Variants in SLC1A1 observed in about 807,000 individuals in gnomAD.
SLC1A1 encodes excitatory amino acid transporter 3.
Under a neutral mutation model 53.3 loss-of-function variants are expected in SLC1A1, and 43 were observed. That is an observed-to-expected ratio of 0.81 (90% confidence interval 0.63 to 1.04). SLC1A1 has a LOEUF of 1.04. Ranked by LOEUF, SLC1A1 falls within the 50% of genes least tolerant of loss-of-function variation. The pLI, the probability that SLC1A1 is intolerant of heterozygous loss-of-function variation, is 0.00. For missense variants in SLC1A1, 748 were observed against 664.9 expected (o/e 1.12, Z -1.37); for synonymous variants, 307 against 243.2 (o/e 1.26, Z -2.44).
chr9:4,580,604 T>TGG (rs1820983912), intron 10 of SLC1A1, among the ~76,000 whole-genome samples: 1 of 70,422 alleles, frequency 1.4e-5, no homozygotes, highest in South Asian at 4.6e-4. Context: ...AATATATATG[T>TGG]GTGTGTGTGT....
At chr9:4,513,746 TGTGA>T (rs1181828681) in intron 1 of SLC1A1, among the ~76,000 whole-genome samples, 3 of 152,228 alleles carry the variant, frequency 2.0e-5, no homozygotes, top group African/African-American at 7.2e-5. Context: ...AAAATCTGTA[TGTGA>T]GTGTTTATAG....
In SLC1A1 at chr9:4,531,945, G is replaced by C. The variant is rs146919274; in HGVS notation, c.92-12622G>C. On this transcript the variant is annotated intron_variant, in intron 1 of 11. Coordinates refer to ENST00000262352, the MANE Select transcript of SLC1A1 (RefSeq NM_004170.6). ...TCCGCTGCTGATACACAGGCAAAGA[G>C]GGTCTGGAGTGGACCTCAAGCAAAC... 4.8e-3 allele frequency among the ~76,000 whole-genome samples: 729 copies of C among 152,294 alleles called. 8 individuals carry two copies. The highest frequency in any genetic ancestry group is 0.017 in the African/African-American group (689 of 41,562).
In SLC1A1 at chr9:4,583,102, G is replaced by C. The variant is rs1193013625; in HGVS notation, c.1258G>C (p.Val420Leu). 3 of 1,614,224 alleles carry C rather than the reference G, an allele frequency of 1.9e-6. No homozygotes were observed. Among genetic ancestry groups the C allele is most frequent in the Admixed American group, 1.7e-5 (1 of 60,034 alleles). ...GVPQAGLVTM[V>L]IVLSAVGLPA... is the part of the protein sequence containing the mutation. Reference sequence around the variant, plus strand: ...GCCCCAGGCTGGCCTGGTGACCATGGTGATTGTGCTGAGTGCCGTGGGCCT... The same window carrying C: ...GCCCCAGGCTGGCCTGGTGACCATGCTGATTGTGCTGAGTGCCGTGGGCCT... The change falls in exon 11 of 12, where the codon GTG becomes CTG. Residue 420 changes from valine (V) to leucine (L), a missense_variant. Transcript: ENST00000262352. The surrounding 1 kb of genome is among the most constrained non-coding windows in gnomAD (Gnocchi z 4.6).
intron 1 of SLC1A1, among the ~76,000 whole-genome samples, chr9:4,492,832 T>G (rs1022715782): frequency 1.3e-5 from 2 of 152,034 alleles, no homozygotes; most frequent in Non-Finnish European, 2.9e-5. Flanking sequence ...AGGATAAACA[T>G]TGGCTTGAGT....
chr9:4,569,234 T>A (rs1450791266), intron 6 of SLC1A1, among the ~76,000 whole-genome samples: 5 of 152,202 alleles, frequency 3.3e-5, no homozygotes, highest in Non-Finnish European at 7.3e-5. Context: ...AATTCAGAGT[T>A]CAGAGTTTCT....
intron 2 of SLC1A1, among the ~76,000 whole-genome samples, chr9:4,545,213 C>T (rs1564023427): frequency 6.6e-6 from 1 of 151,328 alleles, no homozygotes; most frequent in Non-Finnish European, 1.5e-5. Flanking sequence ...CTCTCTCTCT[C>T]TCTCTCCACC....
At chr9:4,566,187 C>T (rs563419312) in intron 5 of SLC1A1, 98 bp downstream of exon 5, 49 of 1,087,296 alleles carry the variant, frequency 4.5e-5, no homozygotes, top group Middle Eastern at 4.0e-4. Flanking sequence ...GAATTAGCCC[C>T]GTGAAAATGG....
In SLC1A1 at chr9:4,564,724, G is replaced by A. The variant is rs531794001; in HGVS notation, c.440+266G>A. ...CAGCTACATGTTCCAGAGAGATGCT[G>A]GGATGGATTGGTAGTCAGTTCTGAA... On this transcript the variant is annotated intron_variant, in intron 4 of 11. Transcript: ENST00000262352. Among the ~76,000 whole-genome samples the A allele has an allele frequency of 2.6e-5, 4 of 152,286 alleles. No individual in the cohort carries two copies. The South Asian group carries it at 8.3e-4, about 32-fold the overall frequency.
chr9:4,582,775 C>G (rs1035062764), intron 10 of SLC1A1, among the ~76,000 whole-genome samples: 3 of 152,144 alleles, frequency 2.0e-5, no homozygotes, highest in Admixed American at 6.5e-5. Context: ...GCCACTTATG[C>G]AGTTCTTCCT....
chr9:4,575,907 C>A, intron 8 of SLC1A1, 94 bp from the exon 9 acceptor site: 4 of 1,469,896 alleles, frequency 2.7e-6, no homozygotes, highest in East Asian at 2.3e-5. Context: ...GAAAGTCAAA[C>A]AATTTTATAA....
At chr9:4,495,794 C>T (rs1211643038) in intron 1 of SLC1A1, among the ~76,000 whole-genome samples, 1 of 152,146 alleles carries the variant, frequency 6.6e-6, no homozygotes. Flanking sequence ...AATGAAAAGA[C>T]AGCTGCTTGA....
Position 4,576,706 on chromosome 9 carries a change from T to C in SLC1A1, c.1136T>C (p.Val379Ala). Residue 379 changes from valine to alanine, a missense_variant, in exon 10 of 12, where the codon GTG (valine) becomes GCG (alanine). Physicochemically the swap from Val to Ala is moderately conservative, Grantham distance 64. Coordinates refer to ENST00000262352, the MANE Select transcript of SLC1A1 (RefSeq NM_004170.6). ...GCGCTCTATGAAGCAGTGGCAGCGG[T>C]GTTTATTGCACAGTTGAATGACCTG... ...GTALYEAVAAVFIAQLNDLDL... is the reference protein window; with the variant it reads ...GTALYEAVAAAFIAQLNDLDL... The C allele has an allele frequency of 6.2e-7, 1 of 1,614,182 alleles. No individual in the cohort carries two copies. The highest frequency in any genetic ancestry group is 8.5e-7 in the Non-Finnish European group (1 of 1,180,032).
chr9:4,531,383 T>C (rs1440494022), intron 1 of SLC1A1, among the ~76,000 whole-genome samples: 1 of 152,174 alleles, frequency 6.6e-6, no homozygotes, highest in Non-Finnish European at 1.5e-5. Context: ...CCAACGGTCT[T>C]AGCAAATGGT....
At chr9:4,534,851 T>C (rs911210543) in intron 1 of SLC1A1, among the ~76,000 whole-genome samples, 1 of 152,116 alleles carries the variant, frequency 6.6e-6, no homozygotes, top group Non-Finnish European at 1.5e-5. Flanking sequence ...TCAAGAAGCT[T>C]ATCCACCATG....
At chr9:4,577,924 A>T (rs1421335760) in intron 10 of SLC1A1, among the ~76,000 whole-genome samples, 1 of 152,200 alleles carries the variant, frequency 6.6e-6, no homozygotes, top group East Asian at 1.9e-4. Context: ...AGAGCTAATG[A>T]ATTGAAGAAG....
intron 1 of SLC1A1, among the ~76,000 whole-genome samples, chr9:4,527,623 A>T (rs1586714887): frequency 6.6e-6 from 1 of 152,308 alleles, no homozygotes; most frequent in South Asian, 2.1e-4. Flanking sequence ...CTCATTTTAG[A>T]TAAAATTTCC....
intron 1 of SLC1A1, among the ~76,000 whole-genome samples, chr9:4,499,570 C>CATATCATATATCT (rs1820565612): frequency 9.2e-6 from 1 of 108,412 alleles, no homozygotes; most frequent in Non-Finnish European, 1.9e-5. Flanking sequence ...ATATATGACT[C>CATATCATATATCT]AAGTCTATCA....
Position 4,585,521 on chromosome 9 carries a change from C to T in SLC1A1, c.1538C>T (p.Ser513Phe). Residue 513 changes from serine to phenylalanine, a missense_variant, in exon 12 of 12, where the codon TCT (serine) becomes TTT (phenylalanine). Transcript: ENST00000262352. The stretch of plus-strand genomic sequence containing the variant: ...AATGGAGGCTTTGCAGTAGACAAGT[C>T]TGACACCATCTCATTCACCCAGACC... ...YVNGGFAVDK[S>F]DTISFTQTSQ... The T allele has an allele frequency of 1.2e-6, 2 of 1,614,220 alleles. No homozygotes were observed. Among genetic ancestry groups the T allele is most frequent in the Non-Finnish European group, 1.7e-6 (2 of 1,180,028 alleles).
intron 1 of SLC1A1, among the ~76,000 whole-genome samples, chr9:4,494,308 T>C (rs1563989634): frequency 2.0e-5 from 3 of 147,262 alleles, no homozygotes; most frequent in African/African-American, 7.3e-5. Flanking sequence ...TACTTATTAC[T>C]TCGTTTGTTA....
Sources: gnomAD v4.1 joint callset for allele counts (sites outside exome capture counted in the v4.1 genomes callset) on GRCh38, gnomAD v4.1.1 for gene constraint, Gnocchi (gnomAD v3.1) non-coding constraint, MANE v1.5 for transcripts, NCBI Gene and HGNC (gene_info 2026-07-23, HGNC 2026-07-21) for gene names.